The following IGSF3 variants were observed in gnomAD, a reference collection of about 807,000 sequenced individuals.
The protein encoded by IGSF3 is glu-Trp-Ile EWI motif-containing protein 3.
A neutral mutation model predicts 114.4 loss-of-function variants in IGSF3; 23 were observed. That is an observed-to-expected ratio of 0.20 (90% CI 0.14 to 0.28). The LOEUF is 0.28. Ranked by LOEUF, IGSF3 falls within the 10% of genes least tolerant of loss-of-function variation. IGSF3 has a pLI of 1.00. For missense variants in IGSF3, 1,172 were observed against 1,591.5 expected (o/e 0.74, Z 4.48); for synonymous variants, 571 against 645.2 (o/e 0.88, Z 1.74).
In IGSF3 at chr1:116,647,040, A is replaced by C. The variant is rs896562333; in HGVS notation, c.43+19244T>G. On this transcript the variant is annotated intron_variant, in intron 2 of 10. Transcript: ENST00000369486. The surrounding 1 kb of genome is among the most constrained non-coding windows in gnomAD (Gnocchi z 4.6). ...AAGGAAATCCTAAAGAGCAGGCGAGAGAACAGTGGAACTGGCAGAGAGAGG... is the reference window on the plus strand; with the variant it reads ...AAGGAAATCCTAAAGAGCAGGCGAGCGAACAGTGGAACTGGCAGAGAGAGG... 6.6e-6 allele frequency: 1 copy of C among 152,590 alleles called. No homozygotes were observed. Among genetic ancestry groups the C allele is most frequent in the African/African-American group, 2.4e-5 (1 of 41,480 alleles). 9.5% of individuals were successfully genotyped at this position (152,590 alleles called of 1,614,324 possible). A position where few individuals can be genotyped will look rare whatever the true frequency, so the allele number is the denominator to read the frequency against.
Position 116,616,954 on chromosome 1 carries a change from C to G in IGSF3, c.44-497G>C, listed in dbSNP as rs1264651741. Among the ~76,000 whole-genome samples, 2 of 151,988 alleles carry G rather than the reference C, an allele frequency of 1.3e-5. No individual in the cohort carries two copies. ...GAGCACCTTTTTACTGGTGCTGCACCCTTCAATTTCCCATGTAGCTGCTCC... is the reference window on the plus strand; with the variant it reads ...GAGCACCTTTTTACTGGTGCTGCACGCTTCAATTTCCCATGTAGCTGCTCC... On this transcript the variant is annotated intron_variant, in intron 2 of 10. Transcript: ENST00000369486. The surrounding 1 kb of genome is among the most constrained non-coding windows in gnomAD (Gnocchi z 6.6).
intron 2 of IGSF3, among the ~76,000 whole-genome samples, chr1:116,656,232 T>C (rs1467083363): frequency 6.6e-6 from 1 of 150,774 alleles, no homozygotes; most frequent in Non-Finnish European, 1.5e-5. Context: ...AAAGAATCTA[T>C]ATCAAAGTCA....
In IGSF3 at chr1:116,582,890, T is replaced by A. The variant is rs1659661472; in HGVS notation, c.2848+1755A>T. On this transcript the variant is annotated intron_variant, in intron 9 of 10. Coordinates refer to ENST00000369486, the MANE Select transcript of IGSF3 (RefSeq NM_001007237.3). The surrounding 1 kb of genome is among the most constrained non-coding windows in gnomAD (Gnocchi z 4.7). ...TACTTTTCTGTTTTCCAATGTTTTGTAATTAGTACAATCAACTTATGCAAT... is the reference window on the plus strand; with the variant it reads ...TACTTTTCTGTTTTCCAATGTTTTGAAATTAGTACAATCAACTTATGCAAT... 1.3e-5 allele frequency among the ~76,000 whole-genome samples: 2 copies of A among 152,228 alleles called. No individual in the cohort carries two copies. Among genetic ancestry groups the A allele is most frequent in the Non-Finnish European group, 2.9e-5 (2 of 68,044 alleles).
At position 116,634,020 on chromosome 1, in the gene IGSF3, G is replaced by C. The variant is rs1647710963; in HGVS notation, c.44-17563C>G. Among the ~76,000 whole-genome samples, 1 of 152,224 alleles carries C rather than the reference G, an allele frequency of 6.6e-6. No homozygotes were observed. Among genetic ancestry groups the C allele is most frequent in the African/African-American group, 2.4e-5 (1 of 41,454 alleles). Reference sequence around the variant, plus strand: ...CAAATCAGCCCTGCTAATGTGTACAGTCAGCATCAAAGAGGTAACAATGGT... The same window carrying C: ...CAAATCAGCCCTGCTAATGTGTACACTCAGCATCAAAGAGGTAACAATGGT... On this transcript the variant is annotated intron_variant, in intron 2 of 10. Transcript: ENST00000369486. This position sits in a 1 kb window ranked among gnomAD's most constrained non-coding sequence, Gnocchi z 4.2.
chr1:116,647,829 C>A lies in IGSF3; in HGVS notation c.43+18455G>T, dbSNP rs1206075803. On this transcript the variant is annotated intron_variant, in intron 2 of 10. Coordinates refer to ENST00000369486, the MANE Select transcript of IGSF3 (RefSeq NM_001007237.3). This position sits in a 1 kb window ranked among gnomAD's most constrained non-coding sequence, Gnocchi z 4.6. The stretch of plus-strand genomic sequence containing the variant: ...TGTAAAATAAGAGCAGCTGACTGGG[C>A]ACGGTGGCTCACGCCTGTAATCCAA... Among the ~76,000 whole-genome samples the A allele has an allele frequency of 6.6e-6, 1 of 152,210 alleles. No homozygotes were observed. Among genetic ancestry groups the A allele is most frequent in the African/African-American group, 2.4e-5 (1 of 41,450 alleles).
chr1:116,574,657 T>C lies in IGSF3; in HGVS notation c.*2655A>G, dbSNP rs1284245645. Reference sequence around the variant, plus strand: ...AGAGGGTGTGGTCATATTCATGTCCTAGAATGCGCCTAGCACAGTGTAGTT... The same window carrying C: ...AGAGGGTGTGGTCATATTCATGTCCCAGAATGCGCCTAGCACAGTGTAGTT... On this transcript the variant is annotated 3_prime_UTR_variant, in exon 11 of 11. Coordinates refer to ENST00000369486, the MANE Select transcript of IGSF3 (RefSeq NM_001007237.3). This position sits in a 1 kb window ranked among gnomAD's most constrained non-coding sequence, Gnocchi z 5.2. 3 of 152,648 alleles carry C rather than the reference T, an allele frequency of 2.0e-5. No homozygotes were observed. The highest frequency in any genetic ancestry group is 2.1e-4 in the South Asian group (1 of 4,830). 9.5% of individuals were successfully genotyped at this position (152,648 alleles called of 1,614,324 possible). A position where few individuals can be genotyped will look rare whatever the true frequency, so the allele number is the denominator to read the frequency against.
rs1660986007 is a variant in IGSF3, at chr1:116,610,667, G to C, written c.833-2336C>G. ...CTTCTCTCCTGCTCTTCTTCTTGCT[G>C]GCCTGCCCACTCTGTTCCACTCTCT... On this transcript the variant is annotated intron_variant, in intron 4 of 10. Coordinates refer to ENST00000369486, the MANE Select transcript of IGSF3 (RefSeq NM_001007237.3). This position sits in a 1 kb window ranked among gnomAD's most constrained non-coding sequence, Gnocchi z 4.3. Among the ~76,000 whole-genome samples the C allele has an allele frequency of 6.6e-6, 1 of 152,050 alleles. No individual in the cohort carries two copies. Among genetic ancestry groups the C allele is most frequent in the Non-Finnish European group, 1.5e-5 (1 of 68,012 alleles).
rs375210210 is a variant in IGSF3 at position 116,577,608 on chromosome 1, T to C, written c.3335-46A>G. 1 of 1,594,572 alleles carries C rather than the reference T, an allele frequency of 6.3e-7. No homozygotes were observed. Among genetic ancestry groups the C allele is most frequent in the Non-Finnish European group, 8.6e-7 (1 of 1,168,886 alleles). On this transcript the variant is annotated intron_variant, in intron 10 of 10. Transcript: ENST00000369486. The surrounding 1 kb of genome is among the most constrained non-coding windows in gnomAD (Gnocchi z 5.7). ...GACAAGACAATGAGGGCTGAGAACC[T>C]GGACTGCTCACATTTCCTTTTGAAG...
intron 8 of IGSF3, among the ~76,000 whole-genome samples, chr1:116,586,353 T>C (rs763739480): frequency 1.3e-5 from 2 of 152,252 alleles, no homozygotes; most frequent in Admixed American, 6.5e-5. Context: ...GAAAGGTTAT[T>C]TTCTTTGTTG....
chr1:116,613,667 G>A (rs535839110), intron 4 of IGSF3, 98 bp downstream of exon 4: 465 of 1,157,010 alleles, frequency 4.0e-4, no homozygotes, highest in Non-Finnish European at 5.3e-4. Flanking sequence ...CTGCTGTCCT[G>A]GTAGAGGTGC....
chr1:116,597,388 T>C (rs1354937280), intron 7 of IGSF3, among the ~76,000 whole-genome samples: 2 of 152,166 alleles, frequency 1.3e-5, no homozygotes, highest in Admixed American at 1.3e-4. Context: ...CTCTGGAAAA[T>C]ATTAAGTGCT....
rs1161339986 is a variant in IGSF3, at chr1:116,582,729, CAGTA to C, written c.2848+1912_2848+1915del. On this transcript the variant is annotated intron_variant, in intron 9 of 10. Coordinates refer to ENST00000369486, the MANE Select transcript of IGSF3 (RefSeq NM_001007237.3). This position sits in a 1 kb window ranked among gnomAD's most constrained non-coding sequence, Gnocchi z 4.7. Reference sequence around the variant, plus strand: ...GAGTGGGAAAAAAGATCACATAAAACAGTAAGATCCTGAGTTTGTTTACAGACAG... The same window carrying C: ...GAGTGGGAAAAAAGATCACATAAAACAGATCCTGAGTTTGTTTACAGACAG... 2.6e-5 allele frequency among the ~76,000 whole-genome samples: 4 copies of C among 152,028 alleles called. No individual in the cohort carries two copies. The highest frequency in any genetic ancestry group is 5.9e-5 in the Non-Finnish European group (4 of 67,996).
Position 116,638,987 on chromosome 1 carries a change from A to C in IGSF3, c.44-22530T>G, listed in dbSNP as rs1359427179. ...GTCACAGGTAGGAAGACAAGCATAG[A>C]ATTAAGAACAAAGCAACTAACTGTA... On this transcript the variant is annotated intron_variant, in intron 2 of 10. Coordinates refer to ENST00000369486, the MANE Select transcript of IGSF3 (RefSeq NM_001007237.3). The surrounding 1 kb of genome is among the most constrained non-coding windows in gnomAD (Gnocchi z 4.1). Among the ~76,000 whole-genome samples, 6 of 152,192 alleles carry C rather than the reference A, an allele frequency of 3.9e-5. No individual in the cohort carries two copies. Among genetic ancestry groups the C allele is most frequent in the Admixed American group, 6.5e-5 (1 of 15,288 alleles).
chr1:116,606,307 G>A (rs1293923513), intron 5 of IGSF3, among the ~76,000 whole-genome samples: 1 of 152,260 alleles, frequency 6.6e-6, no homozygotes, highest in Non-Finnish European at 1.5e-5. Context: ...CCTGTGTGGT[G>A]CTCTGATTTC....
At chr1:116,604,819 T>C (rs1312870632) in intron 5 of IGSF3, among the ~76,000 whole-genome samples, 1 of 152,232 alleles carries the variant, frequency 6.6e-6, no homozygotes, top group Non-Finnish European at 1.5e-5. Flanking sequence ...CTTAACTATC[T>C]GAATTCACTC....
chr1:116,625,681 A>G lies in IGSF3; in HGVS notation c.44-9224T>C, dbSNP rs61281100. 2.7e-3 allele frequency among the ~76,000 whole-genome samples: 407 copies of G among 152,328 alleles called. 2 individuals are homozygous for G. Among genetic ancestry groups the G allele is most frequent in the African/African-American group, 9.5e-3 (393 of 41,570 alleles). ...CAAATTCACAGTCAAATGCGACAAG[A>G]TGAGGGCCTGGCCTGGTTTTAAATC... On this transcript the variant is annotated intron_variant, in intron 2 of 10. Transcript: ENST00000369486. This position sits in a 1 kb window ranked among gnomAD's most constrained non-coding sequence, Gnocchi z 4.7.
intron 2 of IGSF3, among the ~76,000 whole-genome samples, chr1:116,660,743 C>T (rs564113025): frequency 5.3e-5 from 8 of 152,126 alleles, no homozygotes; most frequent in South Asian, 2.1e-4. Context: ...TACCCGGCCA[C>T]GTATGCATTT....
intron 2 of IGSF3, among the ~76,000 whole-genome samples, chr1:116,660,898 A>AC (rs773408529): frequency 5.3e-5 from 8 of 152,212 alleles, no homozygotes; most frequent in Non-Finnish European, 8.8e-5. Flanking sequence ...TTTCCTTTGA[A>AC]CATAATTGTT....
At position 116,603,770 on chromosome 1, in the gene IGSF3, G is replaced by A. The variant is rs752167211; in HGVS notation, c.1478C>T (p.Ser493Leu). 2.1e-5 allele frequency: 34 copies of A among 1,613,894 alleles called. No homozygotes were observed. The highest frequency in any genetic ancestry group is 6.7e-5 in the African/African-American group (5 of 74,922). The change falls in exon 6 of 11, where the codon TCG (serine) becomes TTG (leucine). Residue 493 changes from serine to leucine, a missense_variant. This residue lies in a region of IGSF3 where 736 missense variants were observed against 1,042.0 expected (regional missense o/e 0.71). Transcript: ENST00000369486. The surrounding 1 kb of genome is among the most constrained non-coding windows in gnomAD (Gnocchi z 7.1). ...GCTGTTGAAGATGCCCAGGCTGAAC[G>A]AGTTGGGCTGCACCTGCTCCATCTG... ...GVQMEQVQPN[S>L]FSLGIFNSRK...
Sources: gnomAD v4.1 joint callset for allele counts (sites outside exome capture counted in the v4.1 genomes callset) on GRCh38, gnomAD v4.1.1 for gene constraint, gnomAD v4.1.1 regional missense constraint, Gnocchi (gnomAD v3.1) non-coding constraint, MANE v1.5 for transcripts, NCBI Gene and HGNC (gene_info 2026-07-23, HGNC 2026-07-21) for gene names.